Variants in EVA1A observed in about 807,000 individuals in gnomAD.
EVA1A encodes the protein protein eva-1 homolog A.
A neutral mutation model predicts 9.8 loss-of-function variants in EVA1A; 7 were observed. The observed-to-expected ratio is 0.71, with a 90% confidence interval of 0.41 to 1.34. EVA1A has a LOEUF of 1.34. Among genes scored for constraint, EVA1A ranks in the 40% most tolerant of loss-of-function variants. The probability of loss-of-function intolerance (pLI) is 0.01; values close to 1 mark genes in which losing one functional copy is unlikely to be tolerated. For missense variants in EVA1A, 206 were observed against 205.9 expected, an observed-to-expected ratio of 1.00 and a Z score of 0.00; for synonymous variants, 90 against 85.6, an observed-to-expected ratio of 1.05 and a Z score of -0.28.
chr2:75,555,688 C>T (rs1474123814), intron 1 of EVA1A, among the ~76,000 whole-genome samples: 2 of 152,092 alleles, frequency 1.3e-5, no homozygotes, highest in African/African-American at 4.8e-5. Flanking sequence ...GCTTTAAATG[C>T]CCACTCCATT....
At chr2:75,544,313 C>T (rs1676248599) in intron 1 of EVA1A, among the ~76,000 whole-genome samples, 1 of 152,156 alleles carries the variant, frequency 6.6e-6, no homozygotes, top group South Asian at 2.1e-4. Flanking sequence ...AATGTATGCT[C>T]TTATAAAGAC....
chr2:75,554,251 T>C (rs1449422543), intron 1 of EVA1A, among the ~76,000 whole-genome samples: 1 of 152,226 alleles, frequency 6.6e-6, no homozygotes, highest in East Asian at 1.9e-4. Context: ...TTGTAAAGTC[T>C]TCTTTTCCTT....
In EVA1A at chr2:75,513,915, T is replaced by C. The variant is rs563885193; in HGVS notation, c.85+4141A>G. ...TTAGGCCACCAAGTTGAGGTTTTCA[T>C]TTTTTGCAGTTGAAAACAATCCTGA... On this transcript the variant is annotated intron_variant, in intron 3 of 3. Coordinates refer to ENST00000393913, the MANE Select transcript of EVA1A (RefSeq NM_001135032.2). Among the ~76,000 whole-genome samples the C allele has an allele frequency of 2.9e-3, 435 of 152,300 alleles. 2 individuals are homozygous for C. The highest frequency in any genetic ancestry group is 4.8e-3 in the Non-Finnish European group (325 of 68,016).
chr2:75,500,601 T>A (rs1315302837), intron 3 of EVA1A, among the ~76,000 whole-genome samples: 1 of 152,182 alleles, frequency 6.6e-6, no homozygotes, highest in East Asian at 1.9e-4. Context: ...TTTTTATGTT[T>A]AAAAACTCCC....
chr2:75,563,969 T>G (rs1329309964), upstream of EVA1A, among the ~76,000 whole-genome samples: 1 of 152,242 alleles, frequency 6.6e-6, no homozygotes, highest in Non-Finnish European at 1.5e-5. Flanking sequence ...GGCCCATTGC[T>G]TCATTAATGG....
At chr2:75,501,844 C>T (rs1199062004) in intron 3 of EVA1A, among the ~76,000 whole-genome samples, 1 of 152,118 alleles carries the variant, frequency 6.6e-6, no homozygotes, top group Non-Finnish European at 1.5e-5. Flanking sequence ...TCCTTCAGAC[C>T]AAAGTCTTGT....
chr2:75,529,169 C>T (rs779310966), intron 1 of EVA1A, among the ~76,000 whole-genome samples: 1 of 152,120 alleles, frequency 6.6e-6, no homozygotes, highest in Middle Eastern at 3.2e-3. Flanking sequence ...GCCTGGAGCA[C>T]GGTAGTTCAG....
chr2:75,544,331 T>C (rs1387251956), intron 1 of EVA1A, among the ~76,000 whole-genome samples: 1 of 152,216 alleles, frequency 6.6e-6, no homozygotes, highest in African/African-American at 2.4e-5. Context: ...GACGTAATAC[T>C]AAACTATACG....
intron 2 of EVA1A, among the ~76,000 whole-genome samples, chr2:75,520,979 T>G (rs976795718): frequency 2.0e-5 from 3 of 152,222 alleles, no homozygotes; most frequent in Non-Finnish European, 2.9e-5. Context: ...CTACCTATCC[T>G]AATTCCTAAT....
chr2:75,540,715 T>A (rs1676084240), intron 1 of EVA1A: 1 of 152,206 alleles, frequency 6.6e-6, no homozygotes, highest in Non-Finnish European at 1.5e-5. Context: ...CAAGACTCTC[T>A]CCAACTTTGG....
At position 75,556,880 on chromosome 2, in the gene EVA1A, G is replaced by C. The variant is rs1052622276; in HGVS notation, c.-192+3800C>G. Among the ~76,000 whole-genome samples the C allele has an allele frequency of 5.3e-5, 8 of 152,306 alleles. No homozygotes were observed. The East Asian group carries it at 1.5e-3, about 29-fold the overall frequency. ...AGCCGCTGATCTGACAGGAGGCGGA[G>C]CTCAGGCGATGACCCTGTTCCTAAC... is the stretch of plus-strand genomic sequence containing the variant. On this transcript the variant is annotated intron_variant, in intron 1 of 3. Transcript: ENST00000393913.
At chr2:75,508,543 C>A (rs1674699128) in intron 3 of EVA1A, among the ~76,000 whole-genome samples, 1 of 152,120 alleles carries the variant, frequency 6.6e-6, no homozygotes, top group South Asian at 2.1e-4. Flanking sequence ...AAGATGTTAT[C>A]AATGACAATG....
chr2:75,565,069 T>C (rs956448971), upstream of EVA1A, among the ~76,000 whole-genome samples: 8 of 152,178 alleles, frequency 5.3e-5, no homozygotes, highest in Admixed American at 3.9e-4. Flanking sequence ...TCACCCAAAA[T>C]CATCTGGCAC....
chr2:75,530,368 T>C (rs1314698092), intron 1 of EVA1A, among the ~76,000 whole-genome samples: 3 of 151,902 alleles, frequency 2.0e-5, no homozygotes, highest in African/African-American at 7.3e-5. Context: ...TTCCAAAAGA[T>C]AGAGAAAGAG....
chr2:75,536,437 C>A (rs986637634), intron 1 of EVA1A, among the ~76,000 whole-genome samples: 1 of 151,916 alleles, frequency 6.6e-6, no homozygotes, highest in Non-Finnish European at 1.5e-5. Flanking sequence ...TATTATGCAA[C>A]CATTAACCAA....
intron 1 of EVA1A, among the ~76,000 whole-genome samples, chr2:75,541,514 C>A (rs572897167): frequency 2.6e-5 from 4 of 152,240 alleles, no homozygotes; most frequent in African/African-American, 9.6e-5. Flanking sequence ...GTCAGGGAGA[C>A]CTGCTGAGTT....
At chr2:75,536,450 G>A (rs571932893) in intron 1 of EVA1A, among the ~76,000 whole-genome samples, 7 of 152,078 alleles carry the variant, frequency 4.6e-5, no homozygotes, top group African/African-American at 1.7e-4. Flanking sequence ...TTAACCAATA[G>A]AAAACAAGTC....
intron 1 of EVA1A, among the ~76,000 whole-genome samples, chr2:75,551,204 C>T (rs986380747): frequency 6.6e-6 from 1 of 152,136 alleles, no homozygotes. Context: ...CTACCTAATA[C>T]CTCTAGCTGC....
intron 1 of EVA1A, among the ~76,000 whole-genome samples, chr2:75,534,439 G>A (rs570856495): frequency 6.7e-6 from 1 of 149,658 alleles, no homozygotes; most frequent in East Asian, 2.0e-4. Context: ...ACTATATGAA[G>A]AAATACACTT....
Sources: allele counts gnomAD v4.1 joint callset (sites outside exome capture counted in the v4.1 genomes callset), GRCh38; gene constraint gnomAD v4.1.1; transcripts MANE v1.5; gene names NCBI Gene and HGNC (gene_info 2026-07-23, HGNC 2026-07-21).